Variants in CTSC observed in about 807,000 individuals in gnomAD.
CTSC encodes cathepsin C, also known as dipeptidyl peptidase 1.
CTSC carries 37 observed loss-of-function variants against 40.9 expected under a neutral mutation model. The ratio of observed to expected loss-of-function variants is 0.91; its 90% CI spans 0.70 to 1.19. The LOEUF is 1.19. Among genes scored for constraint, CTSC ranks in the 50% most tolerant of loss-of-function variants. The pLI is 0.00. For synonymous variants in CTSC, 232 were observed against 207.4 expected (o/e 1.12, Z -1.02); for missense variants, 594 against 567.3 (o/e 1.05, Z -0.48).
intron 4 of CTSC, 38 bp downstream of exon 4, chr11:88,309,125 T>C: frequency 6.3e-7 from 1 of 1,589,694 alleles, no homozygotes; most frequent in Non-Finnish European, 8.6e-7. Flanking sequence ...TATTCAGCAT[T>C]CATATTTTTA....
chr11:88,294,622 T>A (rs1944278864), intron 6 of CTSC, 114 bp from the exon 7 acceptor site: 19 of 1,181,320 alleles, frequency 1.6e-5, no homozygotes, highest in Non-Finnish European at 2.2e-5. Context: ...AAGTTGTTCT[T>A]AGCTTAAGCA....
chr11:88,301,907 G>A (rs149046073), intron 4 of CTSC, among the ~76,000 whole-genome samples: 125 of 151,914 alleles, frequency 8.2e-4, no homozygotes, highest in Non-Finnish European at 1.4e-3. Flanking sequence ...TGGCCTCTCT[G>A]TTCTATATCT....
In CTSC at chr11:88,326,367, GCT is replaced by G. The variant is rs201135785; in HGVS notation, c.318+8568_318+8569del. 1,164 of 1,613,946 alleles carry G rather than the reference GCT, an allele frequency of 7.2e-4. 10 individuals are homozygous for G. In the African/African-American group the frequency reaches 0.014, roughly 19 times the overall value. On this transcript the variant is annotated intron_variant, in intron 2 of 6. Transcript: ENST00000227266. ...AGGTAGGTCCACACTGTCGCAGGCT[GCT>G]CTGTCTCTTAGCCCCAACGTCTGTT...
intron 2 of CTSC, chr11:88,328,253 T>A (rs961071675): frequency 4.9e-6 from 6 of 1,228,714 alleles, no homozygotes; most frequent in Non-Finnish European, 6.0e-6. Context: ...AGCATCATCA[T>A]GAAAGAAGAC....
chr11:88,315,852 G>A (rs948837561), intron 2 of CTSC, among the ~76,000 whole-genome samples: 1 of 151,916 alleles, frequency 6.6e-6, no homozygotes, highest in African/African-American at 2.4e-5. Context: ...AAACCCAAAG[G>A]GCTTCCACCT....
intron 4 of CTSC, among the ~76,000 whole-genome samples, chr11:88,306,325 G>A (rs1395230551): frequency 6.6e-6 from 1 of 152,126 alleles, no homozygotes; most frequent in African/African-American, 2.4e-5. Flanking sequence ...GTAGAAGAGG[G>A]TGGTCCCTCA....
intron 2 of CTSC, chr11:88,322,404 C>G (rs1029226935): frequency 6.6e-6 from 1 of 152,070 alleles, no homozygotes; most frequent in African/African-American, 2.4e-5. Flanking sequence ...TTTAATCCAT[C>G]GTAAGTTGAT....
intron 2 of CTSC, among the ~76,000 whole-genome samples, chr11:88,314,614 G>A (rs1487991478): frequency 1.3e-5 from 2 of 151,896 alleles, no homozygotes; most frequent in Non-Finnish European, 2.9e-5. Context: ...TGCAACCTCC[G>A]CCTCCCAGGT....
rs146814880 is a variant in CTSC at position 88,326,487 on chromosome 11, T to C, written c.318+8450A>G. 133 of 1,234,558 alleles carry C rather than the reference T, an allele frequency of 1.1e-4. No homozygotes were observed. The African/African-American group carries it at 1.9e-3, about 17-fold the overall frequency. 76.5% of individuals were successfully genotyped at this position (1,234,558 alleles called of 1,614,324 possible). A position where few individuals can be genotyped will look rare whatever the true frequency, so the allele number is the denominator to read the frequency against. On this transcript the variant is annotated intron_variant, in intron 2 of 6. Transcript: ENST00000227266. Reference sequence around the variant, plus strand: ...TAGGGTTACAAGCCAACAAGGATCATATTGTCTCTTAATATTTAATCATAT... The same window carrying C: ...TAGGGTTACAAGCCAACAAGGATCACATTGTCTCTTAATATTTAATCATAT...
At chr11:88,320,739 G>A (rs1387104600) in intron 2 of CTSC, 6 of 866,906 alleles carry the variant, frequency 6.9e-6, no homozygotes, top group Non-Finnish European at 6.9e-6. Context: ...TATGGCCTGA[G>A]GGCCCACCAT....
chr11:88,331,190 G>A (rs1938346001), intron 2 of CTSC, among the ~76,000 whole-genome samples: 1 of 152,174 alleles, frequency 6.6e-6, no homozygotes, highest in African/African-American at 2.4e-5. Context: ...CCAGCTCAGT[G>A]CCCTCCAGTA....
At chr11:88,318,176 G>A (rs1937920631) in intron 2 of CTSC, among the ~76,000 whole-genome samples, 1 of 152,204 alleles carries the variant, frequency 6.6e-6, no homozygotes, top group South Asian at 2.1e-4. Context: ...CTTAGCCAAT[G>A]TCTGAATACT....
intron 4 of CTSC, among the ~76,000 whole-genome samples, chr11:88,306,312 T>C (rs995589429): frequency 2.6e-5 from 4 of 152,260 alleles, no homozygotes; most frequent in Admixed American, 2.6e-4. Flanking sequence ...AGGGAAATAC[T>C]GGGTAGAAGA....
At position 88,317,974 on chromosome 11, in the gene CTSC, T is replaced by C. The variant is rs1431822534; in HGVS notation, c.319-5420A>G. 2.0e-5 allele frequency among the ~76,000 whole-genome samples: 3 copies of C among 152,368 alleles called. No homozygotes were observed. The East Asian group carries it at 5.8e-4, about 29-fold the overall frequency. Reference sequence around the variant, plus strand: ...CCACACATTCTCAAAATATCCCTTCTTCAATTTCCCACTCATTTTATCAGC... The same window carrying C: ...CCACACATTCTCAAAATATCCCTTCCTCAATTTCCCACTCATTTTATCAGC... On this transcript the variant is annotated intron_variant, in intron 2 of 6. Coordinates refer to ENST00000227266, the MANE Select transcript of CTSC (RefSeq NM_001814.6).
Position 88,337,578 on chromosome 11 carries a change from T to G in CTSC, c.95A>C (p.Tyr32Ser). 1.3e-6 allele frequency: 2 copies of G among 1,577,210 alleles called. No individual in the cohort carries two copies. Among genetic ancestry groups the G allele is most frequent in the Non-Finnish European group, 1.7e-6 (2 of 1,160,612 alleles). ...GACCCAGGTGCCCAGCAGGTCAAGATAGGTGCAGTTGGCAGGTGTGTCGCA... is the reference window on the plus strand; with the variant it reads ...GACCCAGGTGCCCAGCAGGTCAAGAGAGGTGCAGTTGGCAGGTGTGTCGCA... ...VRCDTPANCT[Y>S]LDLLGTWVFQ... The change falls in exon 1 of 7, where the codon TAT becomes TCT. Residue 32 changes from tyrosine (Y) to serine (S), a missense_variant. Tyr to Ser is a moderately radical substitution (Grantham distance 144). Transcript: ENST00000227266.
chr11:88,320,385 C>A (rs1937972870), intron 2 of CTSC, among the ~76,000 whole-genome samples: 1 of 152,194 alleles, frequency 6.6e-6, no homozygotes, highest in African/African-American at 2.4e-5. Context: ...TCCTCACTTA[C>A]TTACTCATAA....
chr11:88,325,720 T>C (rs1330966233), intron 2 of CTSC: 6 of 985,216 alleles, frequency 6.1e-6, no homozygotes, highest in African/African-American at 1.7e-5. Flanking sequence ...AAATAGGGTG[T>C]TTACGATACC....
At chr11:88,317,120 C>A (rs1428690077) in intron 2 of CTSC, among the ~76,000 whole-genome samples, 1 of 152,208 alleles carries the variant, frequency 6.6e-6, no homozygotes, top group Non-Finnish European at 1.5e-5. Flanking sequence ...GCATGCGTCA[C>A]CACGCCCGGC....
At chr11:88,330,504 G>A (rs1196020955) in intron 2 of CTSC, among the ~76,000 whole-genome samples, 17 of 151,806 alleles carry the variant, frequency 1.1e-4, no homozygotes, top group African/African-American at 4.1e-4. Flanking sequence ...ATGTGTCACC[G>A]CACCCAGCTA....
Sources: allele counts gnomAD v4.1 joint callset (sites outside exome capture counted in the v4.1 genomes callset), GRCh38; gene constraint gnomAD v4.1.1; transcripts MANE v1.5; gene names NCBI Gene and HGNC (gene_info 2026-07-23, HGNC 2026-07-21).